FRMD4B: variants seen among roughly 807,000 people sequenced by gnomAD.
FRMD4B encodes the protein FERM domain-containing protein 4B.
A neutral mutation model predicts 141.5 loss-of-function variants in FRMD4B; 74 were observed. The ratio of observed to expected loss-of-function variants is 0.52; its 90% CI spans 0.43 to 0.63. The LOEUF (loss-of-function observed/expected upper bound fraction) is 0.63, where lower values mean the gene tolerates loss of function less well. FRMD4B is among the 30% of genes least tolerant of loss of function. The pLI, the probability that FRMD4B is intolerant of heterozygous loss-of-function variation, is 0.00. For missense variants in FRMD4B, 1,366 were observed against 1,253.4 expected (o/e 1.09, Z -1.36); for synonymous variants, 506 against 467.9 (o/e 1.08, Z -1.05).
intron 11 of FRMD4B, among the ~76,000 whole-genome samples, chr3:69,202,243 TC>T (rs1464784452): frequency 6.6e-6 from 1 of 151,968 alleles, no homozygotes; most frequent in Non-Finnish European, 1.5e-5. Context: ...AGACCAATGG[TC>T]TGTATTTGAG....
chr3:69,307,466 G>A (rs1701434115), intron 3 of FRMD4B, among the ~76,000 whole-genome samples: 1 of 151,998 alleles, frequency 6.6e-6, no homozygotes, highest in Non-Finnish European at 1.5e-5. Flanking sequence ...TCAGGTGCCT[G>A]AGTAGCTGGG....
intron 1 of FRMD4B, among the ~76,000 whole-genome samples, chr3:69,461,745 G>T (rs1223735469): frequency 6.6e-6 from 1 of 150,858 alleles, no homozygotes; most frequent in African/African-American, 2.4e-5. Context: ...CCTTTGTATA[G>T]AGAACTTCTT....
At chr3:69,279,439 A>G (rs2093633547) in intron 5 of FRMD4B, among the ~76,000 whole-genome samples, 2 of 152,206 alleles carry the variant, frequency 1.3e-5, no homozygotes, top group South Asian at 4.1e-4. Context: ...CACAAAAATC[A>G]GTGCTTTCTA....
intron 17 of FRMD4B, among the ~76,000 whole-genome samples, chr3:69,193,116 C>T (rs747470218): frequency 2.0e-5 from 3 of 152,112 alleles, no homozygotes; most frequent in Non-Finnish European, 4.4e-5. Flanking sequence ...GCGCCATGCT[C>T]GTGCTGCCCA....
intron 1 of FRMD4B, among the ~76,000 whole-genome samples, chr3:69,328,414 CT>C (rs796485700): frequency 2.6e-5 from 4 of 152,246 alleles, no homozygotes; most frequent in African/African-American, 9.6e-5. Flanking sequence ...ATCAGTGTCC[CT>C]TTTTCCCCAG....
At chr3:69,262,235 AG>A (rs1288888739) in intron 5 of FRMD4B, among the ~76,000 whole-genome samples, 4 of 151,968 alleles carry the variant, frequency 2.6e-5, no homozygotes, top group Non-Finnish European at 5.9e-5. Context: ...CCGAAATGCT[AG>A]GATTACAGGC....
intron 11 of FRMD4B, among the ~76,000 whole-genome samples, chr3:69,215,454 G>C (rs1185547584): frequency 2.6e-5 from 4 of 151,088 alleles, no homozygotes; most frequent in African/African-American, 9.7e-5. Context: ...CACTACACGT[G>C]GCTAATTTTT....
chr3:69,539,432 C>T (rs919304673), intron 1 of FRMD4B, among the ~76,000 whole-genome samples: 1 of 152,202 alleles, frequency 6.6e-6, no homozygotes, highest in Non-Finnish European at 1.5e-5. Flanking sequence ...CTAGATTAGG[C>T]TCAAATGCAA....
At chr3:69,287,704 C>T in intron 5 of FRMD4B, 48 bp downstream of exon 5, 1 of 915,500 alleles carries the variant, frequency 1.1e-6, no homozygotes, top group Non-Finnish European at 1.8e-6. Flanking sequence ...TCCTGTCATC[C>T]CAGTCGCTCT....
At chr3:69,393,398 C>T (rs1230566266) in intron 2 of FRMD4B, among the ~76,000 whole-genome samples, 1 of 150,364 alleles carries the variant, frequency 6.7e-6, no homozygotes, top group African/African-American at 2.4e-5. Context: ...AGTTAATCAA[C>T]TGAGCAGACA....
intron 1 of FRMD4B, among the ~76,000 whole-genome samples, chr3:69,491,995 G>A (rs1162322737): frequency 6.6e-6 from 1 of 152,102 alleles, no homozygotes; most frequent in Non-Finnish European, 1.5e-5. Context: ...CCGTACCCCC[G>A]CAAGTACCAA....
At chr3:69,297,115 C>T (rs924091788) in intron 4 of FRMD4B, among the ~76,000 whole-genome samples, 37 of 152,094 alleles carry the variant, frequency 2.4e-4, no homozygotes, top group African/African-American at 6.8e-4. Flanking sequence ...TTATGTGTCA[C>T]GTGTATTTGG....
rs2106776842 is a variant in FRMD4B at position 69,409,889 on chromosome 3, G to A, written c.-1+22745C>T. Among the ~76,000 whole-genome samples, 5 of 152,252 alleles carry A rather than the reference G, an allele frequency of 3.3e-5. No individual in the cohort carries two copies. The South Asian group carries it at 1.0e-3, about 32-fold the overall frequency. On this transcript the variant is annotated intron_variant, in intron 2 of 5. Transcript: ENST00000459638. The stretch of plus-strand genomic sequence containing the variant: ...GAGAACACTGGCAGCCTCTTCAACT[G>A]CACTTGAAGTTAGAACCCTTCAGGT...
rs947655425 is a variant in FRMD4B, at chr3:69,327,336, C to T, written c.163-13819G>A. Among the ~76,000 whole-genome samples the T allele has an allele frequency of 1.5e-4, 23 of 152,268 alleles. 1 individual carries two copies. Among genetic ancestry groups the T allele is most frequent in the Admixed American group, 1.4e-3 (22 of 15,288 alleles). On this transcript the variant is annotated intron_variant, in intron 1 of 22. Transcript: ENST00000398540. The stretch of plus-strand genomic sequence containing the variant: ...GAGATATTGAAAATAAACTGCAGTA[C>T]TTGTAATTTAAAGATATTCTAGGTA...
At chr3:69,509,708 A>T (rs1480709990) in intron 1 of FRMD4B, among the ~76,000 whole-genome samples, 1 of 151,856 alleles carries the variant, frequency 6.6e-6, no homozygotes, top group Non-Finnish European at 1.5e-5. Flanking sequence ...ACAGATATTA[A>T]TTTTTTGTTT....
At chr3:69,302,304 A>T (rs1024002618) in intron 4 of FRMD4B, 39 bp downstream of exon 4, 1 of 1,078,974 alleles carries the variant, frequency 9.3e-7, no homozygotes, top group Non-Finnish European at 1.4e-6. Flanking sequence ...AAATAACAGC[A>T]AAAAAAGAGG....
At chr3:69,470,482 C>A (rs1351320488) in intron 1 of FRMD4B, among the ~76,000 whole-genome samples, 1 of 150,388 alleles carries the variant, frequency 6.6e-6, no homozygotes, top group African/African-American at 2.5e-5. Flanking sequence ...TTTGGTATGT[C>A]CAAAGAACAA....
intron 1 of FRMD4B, among the ~76,000 whole-genome samples, chr3:69,363,346 A>G (rs1410271761): frequency 6.6e-6 from 1 of 150,496 alleles, no homozygotes; most frequent in Non-Finnish European, 1.5e-5. Context: ...TGACCTCCCA[A>G]AGTGTTGGGA....
chr3:69,410,698 AAGAAATAT>A (rs1704738774), intron 2 of FRMD4B, among the ~76,000 whole-genome samples: 1 of 145,136 alleles, frequency 6.9e-6, no homozygotes, highest in African/African-American at 2.5e-5. Flanking sequence ...AAGGGAAAAA[AAGAAATAT>A]ATAAATAAAT....
Sources: allele counts gnomAD v4.1 joint callset (sites outside exome capture counted in the v4.1 genomes callset), GRCh38; gene constraint gnomAD v4.1.1; transcripts MANE v1.5; gene names NCBI Gene and HGNC (gene_info 2026-07-23, HGNC 2026-07-21).